Variants in MGST2 observed in about 807,000 individuals in gnomAD.
MGST2 encodes the protein microsomal glutathione S-transferase 2.
MGST2 carries 9 observed loss-of-function variants against 16.6 expected under a neutral mutation model. The observed-to-expected ratio is 0.54, with a 90% CI of 0.33 to 0.95. MGST2 has a LOEUF of 0.95. MGST2 is among the 40% of genes least tolerant of loss of function. MGST2 has a pLI of 0.03. For synonymous variants in MGST2, 79 were observed against 68.0 expected (o/e 1.16, Z -0.79); for missense variants, 159 against 175.1 (o/e 0.91, Z 0.52).
intron 3 of MGST2, among the ~76,000 whole-genome samples, chr4:139,702,626 C>T (rs928808562): frequency 2.6e-5 from 4 of 152,030 alleles, no homozygotes; most frequent in African/African-American, 9.7e-5. Flanking sequence ...ATGAATAAAT[C>T]TGCAATGAAC....
intron 2 of MGST2, 78 bp from the exon 3 acceptor site, chr4:139,695,119 T>G: frequency 9.9e-7 from 1 of 1,014,890 alleles, no homozygotes; most frequent in Non-Finnish European, 1.6e-6. Flanking sequence ...GGCTGAACAT[T>G]TACCTCTAGA....
At chr4:139,743,256 C>G (rs1018195303), downstream of MGST2, among the ~76,000 whole-genome samples, 2 of 152,202 alleles carry the variant, frequency 1.3e-5, no homozygotes, top group African/African-American at 4.8e-5. Context: ...AACAGCAGAA[C>G]AGGAGGGGCA....
chr4:139,686,265 G>A (rs981162009), intron 2 of MGST2, among the ~76,000 whole-genome samples: 1 of 152,186 alleles, frequency 6.6e-6, no homozygotes, highest in African/African-American at 2.4e-5. Context: ...AGAAGGGAAT[G>A]TCTGGGTTAA....
chr4:139,749,181 G>T, the MGST2 span, among the ~76,000 whole-genome samples: 1 of 152,182 alleles, frequency 6.6e-6, no homozygotes, highest in East Asian at 1.9e-4. Context: ...TGTTCACAAA[G>T]ATATGATATA....
intron 1 of MGST2, among the ~76,000 whole-genome samples, chr4:139,670,560 T>A (rs767794474): frequency 4.6e-5 from 7 of 152,168 alleles, no homozygotes; most frequent in Non-Finnish European, 1.0e-4. Context: ...GATTTGCAGT[T>A]GTTAAAGGAG....
chr4:139,707,116 A>T (rs1387855604), downstream of MGST2, among the ~76,000 whole-genome samples: 1 of 152,010 alleles, frequency 6.6e-6, no homozygotes, highest in Non-Finnish European at 1.5e-5. Flanking sequence ...TTTGTTACAT[A>T]TGTATACATG....
chr4:139,698,380 T>C (rs1406957230), intron 3 of MGST2: 22 of 1,603,984 alleles, frequency 1.4e-5, no homozygotes, highest in Non-Finnish European at 1.7e-5. Flanking sequence ...AGAAGTTCAG[T>C]GGACTTCTGA....
chr4:139,689,067 A>G (rs977816364), intron 2 of MGST2, among the ~76,000 whole-genome samples: 2 of 144,396 alleles, frequency 1.4e-5, no homozygotes, highest in African/African-American at 5.2e-5. Flanking sequence ...AGATCACACC[A>G]CTGCACTCCA....
intron 3 of MGST2, among the ~76,000 whole-genome samples, chr4:139,696,399 A>G (rs1266532120): frequency 6.6e-6 from 1 of 152,222 alleles, no homozygotes; most frequent in Non-Finnish European, 1.5e-5. Context: ...TCATAAAAGA[A>G]GTAAAAAAGC....
At chr4:139,752,446 C>T in the MGST2 span, among the ~76,000 whole-genome samples, 1 of 152,142 alleles carries the variant, frequency 6.6e-6, no homozygotes, top group Non-Finnish European at 1.5e-5. Context: ...CCTAGCCTGG[C>T]TCTCTCTGTG....
intron 5 of MGST2, chr4:139,725,746 C>A: frequency 6.2e-7 from 1 of 1,613,858 alleles, no homozygotes; most frequent in Non-Finnish European, 8.5e-7. Flanking sequence ...TTGCACTGGC[C>A]TCACCTTGAA....
At chr4:139,695,069 A>G (rs1726837705) in intron 2 of MGST2, 128 bp from the exon 3 acceptor site, 1 of 690,262 alleles carries the variant, frequency 1.4e-6, no homozygotes, top group African/African-American at 1.8e-5. Flanking sequence ...TGTAAAGGTC[A>G]TTTAAACTCT....
Position 139,683,919 on chromosome 4 carries a change from G to GTTT in MGST2, c.158+5298_158+5300dup, listed in dbSNP as rs34222679. Among the ~76,000 whole-genome samples the GTTT allele has an allele frequency of 4.0e-3, 366 of 92,400 alleles. 1 individual carries two copies. Among genetic ancestry groups the GTTT allele is most frequent in the Non-Finnish European group, 5.9e-3 (279 of 46,948 alleles). The allele number at this position is 92,400 out of a possible 152,430, so 60.6% of individuals were successfully genotyped here. A position where few individuals can be genotyped will look rare whatever the true frequency, so the allele number is the denominator to read the frequency against. ...CTCTTTTAAAAACCATCAGTTTTGT[G>GTTT]TTTTTTTTTTTTTTTTTTTTTTTGA... On this transcript the variant is annotated intron_variant, in intron 2 of 4. Transcript: ENST00000265498.
chr4:139,713,473 CAGAAAAAAAAAAA>C (rs1172096189), intron 5 of MGST2, among the ~76,000 whole-genome samples: 1 of 4,120 alleles, frequency 2.4e-4, no homozygotes, highest in Non-Finnish European at 5.4e-4. Context: ...AGTGGCAAGA[CAGAAAAAAAAAAA>C]AAAAAAAAAA....
chr4:139,685,263 C>T (rs983260818), intron 2 of MGST2: 2 of 154,202 alleles, frequency 1.3e-5, no homozygotes, highest in African/African-American at 2.4e-5. Context: ...TGGTCCTCCT[C>T]TATGGAGGAT....
downstream of MGST2, chr4:139,704,338 CAG>C: frequency 1.5e-6 from 1 of 666,828 alleles, no homozygotes; most frequent in Non-Finnish European, 2.5e-6. Flanking sequence ...TCCATATCAT[CAG>C]TGGAAGTGTG....
chr4:139,745,555 T>C (rs1729293107), downstream of MGST2, among the ~76,000 whole-genome samples: 1 of 152,118 alleles, frequency 6.6e-6, no homozygotes, highest in African/African-American at 2.4e-5. Flanking sequence ...AGAATTCTCA[T>C]GTGCAAATAT....
chr4:139,672,289 A>T (rs1730735698), intron 1 of MGST2, among the ~76,000 whole-genome samples: 2 of 152,268 alleles, frequency 1.3e-5, no homozygotes, highest in South Asian at 4.1e-4. Flanking sequence ...TTTCCATTTT[A>T]TAGGTGGAAA....
rs187120312 is a variant in MGST2, at chr4:139,665,929, A to G, written c.-91A>G. On this transcript the variant is annotated 5_prime_UTR_variant, in exon 1 of 5. Coordinates refer to ENST00000265498, the MANE Select transcript of MGST2 (RefSeq NM_002413.5). The stretch of plus-strand genomic sequence containing the variant: ...GCCTTTTCCCCCCACCCGGTCCCCA[A>G]CTTTGTTTACCCGATAAGGAAGGTC... 96 of 1,351,548 alleles carry G rather than the reference A, an allele frequency of 7.1e-5. 1 individual carries two copies. Among genetic ancestry groups the G allele is most frequent in the Middle Eastern group, 1.8e-4 (1 of 5,542 alleles). The allele number at this position is 1,351,548 out of a possible 1,614,324, so 83.7% of individuals were successfully genotyped here.
Sources: gnomAD v4.1 joint callset for allele counts (sites outside exome capture counted in the v4.1 genomes callset) on GRCh38, gnomAD v4.1.1 for gene constraint, MANE v1.5 for transcripts, NCBI Gene and HGNC (gene_info 2026-07-23, HGNC 2026-07-21) for gene names.